The following GALNT18 variants were observed in gnomAD, a reference collection of about 807,000 sequenced individuals.
GALNT18 encodes polypeptide N-acetylgalactosaminyltransferase 18.
Under a neutral mutation model 69.5 loss-of-function variants are expected in GALNT18, and 44 were observed. That is an observed-to-expected ratio of 0.63 (90% CI 0.50 to 0.81). GALNT18 has a LOEUF of 0.81. Ranked by LOEUF, GALNT18 falls within the 40% of genes least tolerant of loss-of-function variation. The pLI, the probability that GALNT18 is intolerant of heterozygous loss-of-function variation, is 0.00. For synonymous variants in GALNT18, 364 were observed against 318.2 expected (o/e 1.14, Z -1.53); for missense variants, 715 against 810.0 (o/e 0.88, Z 1.42).
chr11:11,505,032 G>C lies in GALNT18; in HGVS notation c.236-56096C>G, dbSNP rs1247663550. Reference sequence around the variant, plus strand: ...ACTGCAACATCAAAGTGTTGGAAGCGCTAGAACCCAGATATGTACAAAGTG... The same window carrying C: ...ACTGCAACATCAAAGTGTTGGAAGCCCTAGAACCCAGATATGTACAAAGTG... On this transcript the variant is annotated intron_variant, in intron 1 of 10. Coordinates refer to ENST00000227756, the MANE Select transcript of GALNT18 (RefSeq NM_198516.3). The surrounding 1 kb of genome is among the most constrained non-coding windows in gnomAD (Gnocchi z 4.6). Among the ~76,000 whole-genome samples, 1 of 152,156 alleles carries C rather than the reference G, an allele frequency of 6.6e-6. No individual in the cohort carries two copies. The highest frequency in any genetic ancestry group is 2.1e-4 in the South Asian group (1 of 4,834).
Position 11,293,201 on chromosome 11 carries a change from C to G in GALNT18, c.1513-8G>C, listed in dbSNP as rs376700751. 1 of 1,318,876 alleles carries G rather than the reference C, an allele frequency of 7.6e-7. No homozygotes were observed. The highest frequency in any genetic ancestry group is 9.8e-7 in the Non-Finnish European group (1 of 1,024,680). The allele number at this position is 1,318,876 out of a possible 1,614,324, so 81.7% of individuals were successfully genotyped here. On this transcript the variant is annotated splice_region_variant and splice_polypyrimidine_tract_variant and intron_variant, in intron 9 of 10. Coordinates refer to ENST00000227756, the MANE Select transcript of GALNT18 (RefSeq NM_198516.3). ...GCTCGTGTAGTACACGTTCTGGGGG[C>G]GGAGGGAGGGAGAGAGTGTGGATAA...
intron 7 of GALNT18, among the ~76,000 whole-genome samples, chr11:11,334,415 C>T (rs546257409): frequency 3.8e-4 from 57 of 151,926 alleles, no homozygotes; most frequent in Non-Finnish European, 6.2e-4. Flanking sequence ...TGGTGGCGGG[C>T]GCCTGTAGTC....
intron 4 of GALNT18, among the ~76,000 whole-genome samples, chr11:11,378,215 G>A (rs1036196724): frequency 3.3e-5 from 5 of 152,198 alleles, no homozygotes; most frequent in Non-Finnish European, 5.9e-5. Flanking sequence ...CTGTGTGCAC[G>A]CCCTGCTGCT....
At chr11:11,609,766 A>G (rs931094170) in intron 1 of GALNT18, among the ~76,000 whole-genome samples, 1 of 152,196 alleles carries the variant, frequency 6.6e-6, no homozygotes, top group Non-Finnish European at 1.5e-5. Flanking sequence ...TAACTGCCCA[A>G]TAGCTAGGGG....
Position 11,541,419 on chromosome 11 carries a change from T to C in GALNT18, c.235+79940A>G, listed in dbSNP as rs139366495. 3.0e-3 allele frequency among the ~76,000 whole-genome samples: 453 copies of C among 152,240 alleles called. 2 individuals are homozygous for C. Among genetic ancestry groups the C allele is most frequent in the Non-Finnish European group, 2.2e-3 (153 of 68,022 alleles). ...TCTTCAAGTGGTCTCCCAGCCAGTC[T>C]CCCTGCCTTCAGCCTCATTCCTCCC... On this transcript the variant is annotated intron_variant, in intron 1 of 10. Coordinates refer to ENST00000227756, the MANE Select transcript of GALNT18 (RefSeq NM_198516.3). The surrounding 1 kb of genome is among the most constrained non-coding windows in gnomAD (Gnocchi z 4.8).
intron 1 of GALNT18, among the ~76,000 whole-genome samples, chr11:11,577,051 G>C (rs7105514): frequency 0.38 from 57,973 of 151,836 alleles, 12,831 homozygotes; most frequent in East Asian, 0.66. Flanking sequence ...GCAGGCTCAC[G>C]TATCTGCAGC....
chr11:11,570,715 C>T (rs953074337), intron 1 of GALNT18, among the ~76,000 whole-genome samples: 3 of 152,216 alleles, frequency 2.0e-5, no homozygotes, highest in African/African-American at 7.2e-5. Flanking sequence ...TGTACTGACC[C>T]ATTTAATATC....
At chr11:11,569,741 G>T (rs775337075) in intron 1 of GALNT18, among the ~76,000 whole-genome samples, 3 of 152,100 alleles carry the variant, frequency 2.0e-5, no homozygotes, top group Admixed American at 6.5e-5. Context: ...CCCAGAGCAG[G>T]ACTAGGGTTG....
chr11:11,388,226 G>A (rs1016974800), intron 3 of GALNT18, among the ~76,000 whole-genome samples: 2 of 152,018 alleles, frequency 1.3e-5, no homozygotes, highest in Admixed American at 6.5e-5. Flanking sequence ...TAGGGCATTC[G>A]TGGCCACCAA....
At position 11,595,502 on chromosome 11, in the gene GALNT18, A is replaced by C. The variant is rs918172634; in HGVS notation, c.235+25857T>G. On this transcript the variant is annotated intron_variant, in intron 1 of 10. Transcript: ENST00000227756. The surrounding 1 kb of genome is among the most constrained non-coding windows in gnomAD (Gnocchi z 5.2). ...TGTTTATTTTGTTATGGCAGCCGAG[A>C]TGAACTAAGACACATTCTCTTCAAT... 6.6e-6 allele frequency among the ~76,000 whole-genome samples: 1 copy of C among 152,188 alleles called. No individual in the cohort carries two copies. Among genetic ancestry groups the C allele is most frequent in the South Asian group, 2.1e-4 (1 of 4,824 alleles).
At chr11:11,458,395 G>A (rs1486556191) in intron 1 of GALNT18, among the ~76,000 whole-genome samples, 1 of 152,096 alleles carries the variant, frequency 6.6e-6, no homozygotes. Context: ...ACAATTCAAT[G>A]ATTTTTTTAA....
At chr11:11,357,296 A>G (rs1051027459) in intron 6 of GALNT18, among the ~76,000 whole-genome samples, 4 of 152,026 alleles carry the variant, frequency 2.6e-5, no homozygotes, top group Non-Finnish European at 5.9e-5. Flanking sequence ...TCAAGTCTGT[A>G]CTTTCTCAAG....
chr11:11,346,143 C>G (rs374686980), intron 6 of GALNT18, among the ~76,000 whole-genome samples: 8 of 152,196 alleles, frequency 5.3e-5, no homozygotes, highest in Non-Finnish European at 1.0e-4. Flanking sequence ...TAGTGCCCTG[C>G]CTTTTTCTTC....
At chr11:11,455,574 T>C (rs935643363) in intron 1 of GALNT18, among the ~76,000 whole-genome samples, 3 of 152,150 alleles carry the variant, frequency 2.0e-5, no homozygotes, top group African/African-American at 7.2e-5. Flanking sequence ...GGCTCAAAGC[T>C]GCTAGACAGG....
At chr11:11,295,249 G>A (rs1396252985) in intron 9 of GALNT18, among the ~76,000 whole-genome samples, 1 of 152,118 alleles carries the variant, frequency 6.6e-6, no homozygotes, top group African/African-American at 2.4e-5. Flanking sequence ...ATCAGTCAAT[G>A]CTTCAACAGG....
chr11:11,333,254 A>G (rs373899427), intron 7 of GALNT18, among the ~76,000 whole-genome samples: 5 of 152,188 alleles, frequency 3.3e-5, no homozygotes, highest in African/African-American at 7.2e-5. Context: ...TGCTAATTCT[A>G]TAGTATTAAT....
chr11:11,272,140 GTA>G (rs1169773140), intron 10 of GALNT18, among the ~76,000 whole-genome samples: 1 of 152,136 alleles, frequency 6.6e-6, no homozygotes, highest in Non-Finnish European at 1.5e-5. Flanking sequence ...TGGCACTTGA[GTA>G]TATGGTCAAA....
At chr11:11,360,607 T>A (rs574908893) in intron 6 of GALNT18, among the ~76,000 whole-genome samples, 44 of 152,334 alleles carry the variant, frequency 2.9e-4, no homozygotes, top group African/African-American at 7.7e-4. Context: ...CTTCTATCAG[T>A]ATGCTTTTAT....
chr11:11,310,130 G>A (rs972458340), intron 9 of GALNT18, among the ~76,000 whole-genome samples: 1 of 152,170 alleles, frequency 6.6e-6, no homozygotes, highest in Non-Finnish European at 1.5e-5. Context: ...TGCTTCCTCA[G>A]ATAGAGGTTT....
Sources: allele counts gnomAD v4.1 joint callset (sites outside exome capture counted in the v4.1 genomes callset), GRCh38; gene constraint gnomAD v4.1.1; non-coding constraint Gnocchi (gnomAD v3.1); transcripts MANE v1.5; gene names NCBI Gene and HGNC (gene_info 2026-07-23, HGNC 2026-07-21).